Variants in GPHN observed in about 807,000 individuals in gnomAD.
The protein encoded by GPHN is gephyrin.
A neutral mutation model predicts 95.5 loss-of-function variants in GPHN; 17 were observed. That is an observed-to-expected ratio of 0.18 (90% CI 0.12 to 0.27). GPHN has a LOEUF of 0.27. Ranked by LOEUF, GPHN falls within the 10% of genes least tolerant of loss-of-function variation. GPHN has a pLI of 1.00. For missense variants in GPHN, 660 were observed against 978.1 expected (o/e 0.67, Z 4.34); for synonymous variants, 320 against 322.5 (o/e 0.99, Z 0.08).
chr14:67,137,638 T>C (rs2080174558), intron 17 of GPHN, among the ~76,000 whole-genome samples: 1 of 151,884 alleles, frequency 6.6e-6, no homozygotes. Context: ...GGTGGCGCAC[T>C]CTTGTGGTCC....
the GPHN span, among the ~76,000 whole-genome samples, chr14:67,655,237 G>A: frequency 6.6e-6 from 1 of 151,672 alleles, no homozygotes; most frequent in African/African-American, 2.4e-5. Flanking sequence ...CTACACATGA[G>A]GATCACTTGA....
the GPHN span, among the ~76,000 whole-genome samples, chr14:67,726,348 A>G: frequency 6.6e-6 from 1 of 152,122 alleles, no homozygotes; most frequent in Non-Finnish European, 1.5e-5. Flanking sequence ...TCCTACCCAT[A>G]CCATTAAGAA....
At chr14:67,618,244 G>C in the GPHN span, among the ~76,000 whole-genome samples, 2 of 152,158 alleles carry the variant, frequency 1.3e-5, no homozygotes, top group African/African-American at 4.8e-5. Context: ...TTAAAACATA[G>C]GTTACCGGTG....
chr14:66,770,580 T>C (rs989884603), intron 2 of GPHN, among the ~76,000 whole-genome samples: 1 of 152,186 alleles, frequency 6.6e-6, no homozygotes, highest in African/African-American at 2.4e-5. Context: ...TATATACACA[T>C]ATCACAGCTT....
At chr14:67,340,821 G>A in the GPHN span, among the ~76,000 whole-genome samples, 4 of 152,180 alleles carry the variant, frequency 2.6e-5, no homozygotes, top group Admixed American at 1.3e-4. Context: ...TTGCAGGCGC[G>A]TGCCGCCACG....
chr14:66,846,864 C>A (rs1596127186), intron 4 of GPHN, among the ~76,000 whole-genome samples: 1 of 152,016 alleles, frequency 6.6e-6, no homozygotes, highest in Admixed American at 6.6e-5. Flanking sequence ...GAGATTTTTG[C>A]CCCCGAAGTA....
intron 5 of GPHN, among the ~76,000 whole-genome samples, chr14:66,883,732 C>T (rs1344476798): frequency 6.6e-6 from 1 of 151,982 alleles, no homozygotes; most frequent in Non-Finnish European, 1.5e-5. Flanking sequence ...AGTGGCTCAG[C>T]CTTTGCTATA....
chr14:67,309,603 T>C, the GPHN span, among the ~76,000 whole-genome samples: 1 of 152,016 alleles, frequency 6.6e-6, no homozygotes, highest in Admixed American at 6.6e-5. Flanking sequence ...TAGGCAAGAG[T>C]ACATGGAAAA....
chr14:67,256,040 T>C, the GPHN span, among the ~76,000 whole-genome samples: 6 of 152,244 alleles, frequency 3.9e-5, no homozygotes, highest in African/African-American at 1.4e-4. Flanking sequence ...ATTTGTTTGT[T>C]TTCAGAAAAG....
chr14:67,505,943 G>A, the GPHN span, among the ~76,000 whole-genome samples: 215 of 152,156 alleles, frequency 1.4e-3, 1 homozygote, highest in Non-Finnish European at 2.5e-3. Context: ...TTGGGTATCC[G>A]TCCATCTCAG....
chr14:67,194,100 C>T, the GPHN span, among the ~76,000 whole-genome samples: 1 of 151,472 alleles, frequency 6.6e-6, no homozygotes, highest in Admixed American at 6.6e-5. Flanking sequence ...CAGTGACTCA[C>T]ACCTATAATC....
intron 1 of GPHN, among the ~76,000 whole-genome samples, chr14:66,613,393 C>T (rs1352807888): frequency 6.6e-6 from 1 of 152,036 alleles, no homozygotes; most frequent in East Asian, 1.9e-4. Flanking sequence ...CACCATTCTA[C>T]ACAACAAAAT....
intron 18 of GPHN, among the ~76,000 whole-genome samples, chr14:67,147,270 C>A (rs1275277953): frequency 1.3e-5 from 2 of 152,122 alleles, no homozygotes; most frequent in African/African-American, 4.8e-5. Context: ...TGTTAAAGTG[C>A]CTATTACTCT....
chr14:67,608,124 G>A, the GPHN span, among the ~76,000 whole-genome samples: 1 of 151,840 alleles, frequency 6.6e-6, no homozygotes, highest in Non-Finnish European at 1.5e-5. Flanking sequence ...CGTGCCTACT[G>A]TCCCAGCTAC....
At chr14:67,671,425 C>T in the GPHN span, among the ~76,000 whole-genome samples, 1 of 152,016 alleles carries the variant, frequency 6.6e-6, no homozygotes, top group African/African-American at 2.4e-5. Context: ...ACTCGGAAGG[C>T]TGAGGCATGA....
chr14:66,658,498 C>T (rs183897389), intron 1 of GPHN, among the ~76,000 whole-genome samples: 1 of 152,096 alleles, frequency 6.6e-6, no homozygotes, highest in African/African-American at 2.4e-5. Context: ...AAGAGTCAAC[C>T]TGTGGGGCAA....
chr14:67,646,788 G>T, the GPHN span: 4 of 1,519,390 alleles, frequency 2.6e-6, no homozygotes, highest in East Asian at 4.5e-5. Context: ...AGCCAATTAT[G>T]TTCTATTTGA....
the GPHN span, among the ~76,000 whole-genome samples, chr14:67,365,501 A>G: frequency 1.3e-5 from 2 of 152,242 alleles, no homozygotes; most frequent in Non-Finnish European, 2.9e-5. Flanking sequence ...AACATTGTAT[A>G]TCTTGCTGGT....
chr14:67,640,182 T>C, the GPHN span, among the ~76,000 whole-genome samples: 2 of 152,178 alleles, frequency 1.3e-5, no homozygotes, highest in Non-Finnish European at 2.9e-5. Context: ...ACAATGTCTT[T>C]GGCCTGTTGT....
Sources: gnomAD v4.1 joint callset for allele counts (sites outside exome capture counted in the v4.1 genomes callset) on GRCh38, gnomAD v4.1.1 for gene constraint, MANE v1.5 for transcripts, NCBI Gene and HGNC (gene_info 2026-07-23, HGNC 2026-07-21) for gene names.